The following TTC22 variants were observed in gnomAD, a reference collection of about 807,000 sequenced individuals.
The protein encoded by TTC22 is tetratricopeptide repeat protein 22.
A neutral mutation model predicts 48.2 loss-of-function variants in TTC22; 42 were observed. The observed-to-expected ratio is 0.87, with a 90% CI of 0.68 to 1.13. The LOEUF is 1.13. Among genes scored for constraint, TTC22 ranks in the 50% most tolerant of loss-of-function variants. TTC22 has a pLI of 0.00. For missense variants in TTC22, 784 were observed against 807.0 expected, an observed-to-expected ratio of 0.97 and a Z score of 0.34; for synonymous variants, 345 against 365.5, an observed-to-expected ratio of 0.94 and a Z score of 0.64.
Position 54,781,233 on chromosome 1 carries a change from C to A in TTC22, c.*10G>T. The A allele has an allele frequency of 2.8e-6, 4 of 1,441,172 alleles. No individual in the cohort carries two copies. Among genetic ancestry groups the A allele is most frequent in the African/African-American group, 1.5e-5 (1 of 66,644 alleles). 89.3% of individuals were successfully genotyped at this position (1,441,172 alleles called of 1,614,324 possible). A position where few individuals can be genotyped will look rare whatever the true frequency, so the allele number is the denominator to read the frequency against. On this transcript the variant is annotated 3_prime_UTR_variant, in exon 7 of 7. Coordinates refer to ENST00000371276, the MANE Select transcript of TTC22 (RefSeq NM_001114108.2). ...GGTCCCAGGGAGCCTCCGGCCTGGG[C>A]ACCTGAGCCCTAGAATGAGACAGCC...
In TTC22 at chr1:54,800,879, C is replaced by T. The variant is rs753678195; in HGVS notation, c.285G>A (p.Glu95=). Residue 95 remains glutamate, a synonymous_variant, in exon 1 of 7, where the codon GAG becomes GAA. Coordinates refer to ENST00000371276, the MANE Select transcript of TTC22 (RefSeq NM_001114108.2). ...CCCAGGCATTGAGGTTGCCCGGGTGCTCGTGGGCCACCTCGAGGAAGCACT... is the reference window on the plus strand; with the variant it reads ...CCCAGGCATTGAGGTTGCCCGGGTGTTCGTGGGCCACCTCGAGGAAGCACT... ...ARECFLEVAH[E]HPGNLNAWAN... 1 of 1,610,630 alleles carries T rather than the reference C, an allele frequency of 6.2e-7. No individual in the cohort carries two copies. Among genetic ancestry groups the T allele is most frequent in the East Asian group, 2.2e-5 (1 of 44,788 alleles).
chr1:54,781,184 A>G lies in TTC22; in HGVS notation c.*59T>C. On this transcript the variant is annotated 3_prime_UTR_variant, in exon 7 of 7. Transcript: ENST00000371276. ...AGGGAGTCCATCCGGACCTGGTCCCATCAGCTGGGCGGGGCCTGGGCGGGG... is the reference window on the plus strand; with the variant it reads ...AGGGAGTCCATCCGGACCTGGTCCCGTCAGCTGGGCGGGGCCTGGGCGGGG... 7.9e-7 allele frequency: 1 copy of G among 1,265,504 alleles called. No homozygotes were observed. Among genetic ancestry groups the G allele is most frequent in the South Asian group, 1.7e-5 (1 of 58,060 alleles). 78.4% of individuals were successfully genotyped at this position (1,265,504 alleles called of 1,614,324 possible). A position where few individuals can be genotyped will look rare whatever the true frequency, so the allele number is the denominator to read the frequency against.
At chr1:54,784,703 C>G in intron 5 of TTC22, 1 of 1,209,622 alleles carries the variant, frequency 8.3e-7, no homozygotes, top group Non-Finnish European at 1.1e-6. Flanking sequence ...GCCACTGAGA[C>G]CAAGACTGGG....
At chr1:54,787,332 G>T (rs993898950) in intron 3 of TTC22, 2 of 551,706 alleles carry the variant, frequency 3.6e-6, no homozygotes, top group Non-Finnish European at 6.4e-6. Context: ...GGTCTCTTCT[G>T]ACTTCAGCTC....
intron 3 of TTC22, 84 bp from the exon 4 acceptor site, chr1:54,787,159 C>A: frequency 1.5e-6 from 1 of 683,674 alleles, no homozygotes; most frequent in Non-Finnish European, 2.4e-6. Context: ...AGGTGTCACC[C>A]ATGAAGACAA....
In TTC22 at chr1:54,779,935, A is replaced by T. The variant is rs1646249555; in HGVS notation, c.*1308T>A. 1 of 152,214 alleles carries T rather than the reference A, an allele frequency of 6.6e-6. No homozygotes were observed. Among genetic ancestry groups the T allele is most frequent in the Non-Finnish European group, 1.5e-5 (1 of 68,084 alleles). The allele number at this position is 152,214 out of a possible 1,614,324, so 9.4% of individuals were successfully genotyped here. A position where few individuals can be genotyped will look rare whatever the true frequency, so the allele number is the denominator to read the frequency against. ...TCAGTGGATATGTGAGATGCAATGC[A>T]GGGGTGCTGGCCTGTCCCTGGTAAT... On this transcript the variant is annotated 3_prime_UTR_variant, in exon 7 of 7. Transcript: ENST00000371276.
chr1:54,786,350 A>C, intron 4 of TTC22: 3 of 496,106 alleles, frequency 6.0e-6, no homozygotes, highest in East Asian at 3.7e-5. Flanking sequence ...TTGGCACTCA[A>C]CTCCTGAGAG....
At chr1:54,795,250 C>G (rs987318257) in intron 1 of TTC22, among the ~76,000 whole-genome samples, 4 of 152,244 alleles carry the variant, frequency 2.6e-5, no homozygotes, top group Admixed American at 2.0e-4. Flanking sequence ...CTGCCTGCAT[C>G]ATAGGCATGT....
At chr1:54,796,134 A>G (rs1478682479) in intron 1 of TTC22, among the ~76,000 whole-genome samples, 1 of 152,290 alleles carries the variant, frequency 6.6e-6, no homozygotes, top group Admixed American at 6.5e-5. Flanking sequence ...GAGCTGAACC[A>G]AATCAAACCA....
At chr1:54,784,131 G>C (rs755814564) in intron 5 of TTC22, among the ~76,000 whole-genome samples, 2 of 152,262 alleles carry the variant, frequency 1.3e-5, no homozygotes, top group African/African-American at 2.4e-5. Flanking sequence ...TGGGAGAAGA[G>C]CATTCCAGGC....
Position 54,781,500 on chromosome 1 carries a change from G to C in TTC22, c.1453C>G (p.Gln485Glu), listed in dbSNP as rs1167389509. 6.7e-7 allele frequency: 1 copy of C among 1,500,270 alleles called. No homozygotes were observed. Among genetic ancestry groups the C allele is most frequent in the Admixed American group, 2.1e-5 (1 of 46,854 alleles). 92.9% of individuals were successfully genotyped at this position (1,500,270 alleles called of 1,614,324 possible). ...LLEALLAQWS[Q>E]AQLSDGELGR... The stretch of plus-strand genomic sequence containing the variant: ...AGCTCCCCGTCGCTCAGCTGTGCCT[G>C]GCTCCACTGCGCCAGCAGCGCCTCG... The change falls in exon 7 of 7, where the codon CAG becomes GAG. Residue 485 changes from glutamine (Q) to glutamate (E), a missense_variant. Coordinates refer to ENST00000371276, the MANE Select transcript of TTC22 (RefSeq NM_001114108.2).
intron 1 of TTC22, among the ~76,000 whole-genome samples, chr1:54,789,789 C>A (rs1464560900): frequency 6.6e-6 from 1 of 152,214 alleles, no homozygotes; most frequent in Non-Finnish European, 1.5e-5. Context: ...CCAGGAACAT[C>A]CCCATGGCTA....
At chr1:54,789,318 T>C (rs927446311) in intron 1 of TTC22, among the ~76,000 whole-genome samples, 1 of 151,976 alleles carries the variant, frequency 6.6e-6, no homozygotes, top group African/African-American at 2.4e-5. Flanking sequence ...GGGTCTTGGG[T>C]CATATTGGCA....
chr1:54,789,919 G>A (rs1646337322), intron 1 of TTC22, among the ~76,000 whole-genome samples: 1 of 152,240 alleles, frequency 6.6e-6, no homozygotes, highest in African/African-American at 2.4e-5. Flanking sequence ...TCAGAGAAGA[G>A]CGAGCAAGGC....
At chr1:54,795,450 C>T (rs1247105709) in intron 1 of TTC22, among the ~76,000 whole-genome samples, 3 of 152,220 alleles carry the variant, frequency 2.0e-5, no homozygotes, top group African/African-American at 7.2e-5. Flanking sequence ...TGTGAGTCAG[C>T]TTTGCTCTGT....
In TTC22 at chr1:54,801,148, C is replaced by G. The variant is rs766858380; in HGVS notation, c.16G>C (p.Ala6Pro). 1 of 1,610,928 alleles carries G rather than the reference C, an allele frequency of 6.2e-7. No individual in the cohort carries two copies. Among genetic ancestry groups the G allele is most frequent in the East Asian group, 2.2e-5 (1 of 44,730 alleles). Reference sequence around the variant, plus strand: ...AGGGCGTCTAGATCGTCGGCCACAGCCTCCAGCTCCGCCATGACTGCTCCC... The same window carrying G: ...AGGGCGTCTAGATCGTCGGCCACAGGCTCCAGCTCCGCCATGACTGCTCCC... MAELE[A>P]VADDLDALID... The change falls in exon 1 of 7, where the codon GCT becomes CCT. Residue 6 changes from alanine to proline, a missense_variant. By Grantham distance (27) the Ala-to-Pro change is conservative. Transcript: ENST00000371276.
Position 54,787,794 on chromosome 1 carries a change from T to A in TTC22, c.656A>T (p.Glu219Val), listed in dbSNP as rs1005603016. 1.2e-6 allele frequency: 2 copies of A among 1,612,558 alleles called. No individual in the cohort carries two copies. Among genetic ancestry groups the A allele is most frequent in the Non-Finnish European group, 1.7e-6 (2 of 1,179,364 alleles). Residue 219 changes from glutamate to valine, a missense_variant, in exon 3 of 7, where the codon GAG (glutamate) becomes GTG (valine). Coordinates refer to ENST00000371276, the MANE Select transcript of TTC22 (RefSeq NM_001114108.2). The part of the protein sequence containing the change: ...LDGIFLELGS[E>V]EQKRLPAFNR... The stretch of plus-strand genomic sequence containing the variant: ...GAAGGCAGGCAGTCTCTTCTGCTCC[T>A]CACTGCCCAGCTCCAGGAAGATGCC...
rs114795550 is a variant in TTC22, at chr1:54,787,698, C to T, written c.739+13G>A. 6.2e-7 allele frequency: 1 copy of T among 1,603,422 alleles called. No homozygotes were observed. Among genetic ancestry groups the T allele is most frequent in the Non-Finnish European group, 8.5e-7 (1 of 1,173,360 alleles). On this transcript the variant is annotated intron_variant, in intron 3 of 6. Coordinates refer to ENST00000371276, the MANE Select transcript of TTC22 (RefSeq NM_001114108.2). ...GCAGAGGCTGCTGTCCCACCCATCC[C>T]CCGGGTCCCCACCTCGGTGGCGGGG...
At chr1:54,785,735 C>A in intron 5 of TTC22, 1 of 487,700 alleles carries the variant, frequency 2.1e-6, no homozygotes, top group Non-Finnish European at 3.8e-6. Flanking sequence ...ATTGCTTGAG[C>A]TTAGGAGGTC....
Sources: gnomAD v4.1 joint callset for allele counts (sites outside exome capture counted in the v4.1 genomes callset) on GRCh38, gnomAD v4.1.1 for gene constraint, MANE v1.5 for transcripts, NCBI Gene and HGNC (gene_info 2026-07-23, HGNC 2026-07-21) for gene names.